The following TIAM1 variants were observed in gnomAD, a reference collection of about 807,000 sequenced individuals.
TIAM1 encodes the protein TIAM Rac1 associated GEF 1, also known as rho guanine nucleotide exchange factor TIAM1.
Under a neutral mutation model 163.5 loss-of-function variants are expected in TIAM1, and 65 were observed. The ratio of observed to expected loss-of-function variants is 0.40; its 90% CI spans 0.33 to 0.49. The LOEUF (loss-of-function observed/expected upper bound fraction) is 0.49, where lower values mean the gene tolerates loss of function less well. Among genes scored for constraint, TIAM1 ranks in the 20% least tolerant of loss-of-function variants. TIAM1 has a pLI of 0.77. For missense variants in TIAM1, 1,789 were observed against 2,044.7 expected, an observed-to-expected ratio of 0.87 and a Z score of 2.41; for synonymous variants, 833 against 810.1, an observed-to-expected ratio of 1.03 and a Z score of -0.48.
chr21:31,164,922 G>T (rs995986312), intron 16 of TIAM1, 40 bp downstream of exon 16: 3 of 1,590,234 alleles, frequency 1.9e-6, no homozygotes, highest in Non-Finnish European at 2.6e-6. Flanking sequence ...TGATTCTTCA[G>T]TGGTTCAAAG....
rs150460109 is a variant in TIAM1, at chr21:31,267,055, G to A, written c.-11-72C>T. 8.0e-5 allele frequency: 120 copies of A among 1,504,886 alleles called. No individual in the cohort carries two copies. In the African/African-American group the frequency reaches 1.2e-3, roughly 15 times the overall value. The allele number at this position is 1,504,886 out of a possible 1,614,324, so 93.2% of individuals were successfully genotyped here. On this transcript the variant is annotated intron_variant, in intron 3 of 27. Coordinates refer to ENST00000541036, the MANE Select transcript of TIAM1 (RefSeq NM_001353694.2). Reference sequence around the variant, plus strand: ...CAGGTATAGGCATCTTAGAGAAAGCGCTCAGCCTGCAGGGAGGGCAGAACA... The same window carrying A: ...CAGGTATAGGCATCTTAGAGAAAGCACTCAGCCTGCAGGGAGGGCAGAACA...
At chr21:31,124,239 C>T (rs2082101593) in intron 27 of TIAM1, 1 of 331,688 alleles carries the variant, frequency 3.0e-6, no homozygotes, top group Non-Finnish European at 5.4e-6. Context: ...GTGTCTGCAA[C>T]CCGACTTGGC....
chr21:31,510,244 C>A (rs899739864), intron 1 of TIAM1, among the ~76,000 whole-genome samples: 1 of 152,194 alleles, frequency 6.6e-6, no homozygotes, highest in African/African-American at 2.4e-5. Context: ...GGCCTCTCCT[C>A]GGCTGGCAGA....
At chr21:31,434,712 C>T (rs1330506452) in intron 2 of TIAM1, among the ~76,000 whole-genome samples, 1 of 152,150 alleles carries the variant, frequency 6.6e-6, no homozygotes, top group Non-Finnish European at 1.5e-5. Context: ...TCTTTTGAGT[C>T]CCAAACGCGA....
intron 1 of TIAM1, among the ~76,000 whole-genome samples, chr21:31,547,333 C>T (rs1419723423): frequency 1.3e-5 from 2 of 152,132 alleles, no homozygotes; most frequent in East Asian, 1.9e-4. Flanking sequence ...TTTGTGTATT[C>T]TTACTTGAAG....
Position 31,397,356 on chromosome 21 carries a change from G to C in TIAM1, c.-368-57934C>G, listed in dbSNP as rs2077090552. Among the ~76,000 whole-genome samples, 5 of 151,998 alleles carry C rather than the reference G, an allele frequency of 3.3e-5. No individual in the cohort carries two copies. In the South Asian group the frequency reaches 1.0e-3, roughly 32 times the overall value. On this transcript the variant is annotated intron_variant, in intron 2 of 28. Transcript: ENST00000286827. The stretch of plus-strand genomic sequence containing the variant: ...GCCAAATTCCTATACAGATCTTTTT[G>C]CATCCAAAAGCTCTAAGGGTCCATG...
intron 2 of TIAM1, among the ~76,000 whole-genome samples, chr21:31,439,962 G>C (rs75233630): frequency 0.013 from 1,930 of 152,292 alleles, 14 homozygotes; most frequent in Middle Eastern, 0.027. Flanking sequence ...TGATGCTTCC[G>C]ATTGTCAATA....
At chr21:31,188,093 G>T (rs2085384119) in intron 13 of TIAM1, among the ~76,000 whole-genome samples, 1 of 152,010 alleles carries the variant, frequency 6.6e-6, no homozygotes, top group Non-Finnish European at 1.5e-5. Flanking sequence ...TGTAAGATTG[G>T]GTTCCAGGGA....
chr21:31,508,613 C>T (rs752841216), intron 1 of TIAM1, among the ~76,000 whole-genome samples: 7 of 152,124 alleles, frequency 4.6e-5, no homozygotes, highest in African/African-American at 2.4e-5. Flanking sequence ...TGGTCTCAAA[C>T]TCCTGACCTC....
At chr21:31,235,158 G>T (rs1442967846) in intron 6 of TIAM1, among the ~76,000 whole-genome samples, 3 of 152,150 alleles carry the variant, frequency 2.0e-5, no homozygotes, top group Admixed American at 6.5e-5. Context: ...GGGAGGGCAG[G>T]CTTCAAAGGA....
At chr21:31,556,165 G>T (rs947176098) in intron 1 of TIAM1, among the ~76,000 whole-genome samples, 1 of 152,076 alleles carries the variant, frequency 6.6e-6, no homozygotes, top group African/African-American at 2.4e-5. Context: ...CATCCCTAAG[G>T]GCGCGAGAAT....
At chr21:31,506,138 T>C (rs1602443546) in intron 1 of TIAM1, among the ~76,000 whole-genome samples, 1 of 151,808 alleles carries the variant, frequency 6.6e-6, no homozygotes, top group Non-Finnish European at 1.5e-5. Context: ...CTCATAGTTT[T>C]CTGCCCAGCA....
At chr21:31,479,710 TAAG>T (rs1380435337) in intron 1 of TIAM1, among the ~76,000 whole-genome samples, 1 of 152,068 alleles carries the variant, frequency 6.6e-6, no homozygotes, top group Non-Finnish European at 1.5e-5. Context: ...AAAGGAAGGA[TAAG>T]AAGAGGAGAA....
intron 2 of TIAM1, among the ~76,000 whole-genome samples, chr21:31,404,426 G>A (rs2077213938): frequency 6.6e-6 from 1 of 151,564 alleles, no homozygotes; most frequent in Non-Finnish European, 1.5e-5. Flanking sequence ...TACAGTCTTA[G>A]ACAGAGGTTC....
chr21:31,182,765 G>A (rs2085095121), intron 14 of TIAM1, 120 bp from the exon 15 acceptor site: 2 of 1,015,408 alleles, frequency 2.0e-6, no homozygotes, highest in Admixed American at 2.9e-5. Context: ...TGCTGCTGCA[G>A]ACAGGCTGCG....
chr21:31,253,059 G>A (rs1043919230), intron 4 of TIAM1, among the ~76,000 whole-genome samples: 22 of 152,300 alleles, frequency 1.4e-4, no homozygotes, highest in African/African-American at 4.6e-4. Flanking sequence ...GAACATTTCC[G>A]GGACAGACAG....
intron 1 of TIAM1, among the ~76,000 whole-genome samples, chr21:31,472,220 AAC>A (rs1446237069): frequency 6.6e-6 from 1 of 152,090 alleles, no homozygotes; most frequent in African/African-American, 2.4e-5. Context: ...AATAAATTCA[AAC>A]AAAGTTATCA....
intron 1 of TIAM1, among the ~76,000 whole-genome samples, chr21:31,504,755 T>G (rs1250054673): frequency 6.6e-6 from 1 of 152,164 alleles, no homozygotes. Flanking sequence ...TCTTTGGATG[T>G]TAAAGTAGTA....
chr21:31,381,068 T>C (rs1271532454), intron 2 of TIAM1, among the ~76,000 whole-genome samples: 1 of 152,190 alleles, frequency 6.6e-6, no homozygotes, highest in African/African-American at 2.4e-5. Flanking sequence ...CAAGTACTTG[T>C]GTGCAATATA....
Sources: gnomAD v4.1 joint callset for allele counts (sites outside exome capture counted in the v4.1 genomes callset) on GRCh38, gnomAD v4.1.1 for gene constraint, MANE v1.5 for transcripts, NCBI Gene and HGNC (gene_info 2026-07-23, HGNC 2026-07-21) for gene names.